The following EMC2 variants were observed in gnomAD, a reference collection of about 807,000 sequenced individuals.
EMC2 encodes ER membrane protein complex subunit 2.
Under a neutral mutation model 51.6 loss-of-function variants are expected in EMC2, and 37 were observed. The observed-to-expected ratio is 0.72, with a 90% CI of 0.55 to 0.94. The LOEUF is 0.94. Ranked by LOEUF, EMC2 falls within the 40% of genes least tolerant of loss-of-function variation. The probability of loss-of-function intolerance (pLI) is 0.00; values close to 1 mark genes in which losing one functional copy is unlikely to be tolerated. For synonymous variants in EMC2, 131 were observed against 112.4 expected, an observed-to-expected ratio of 1.17 and a Z score of -1.04; for missense variants, 359 against 350.9, an observed-to-expected ratio of 1.02 and a Z score of -0.18.
chr8:108,451,377 A>T (rs947371277), intron 3 of EMC2, among the ~76,000 whole-genome samples: 17 of 151,826 alleles, frequency 1.1e-4, no homozygotes, highest in African/African-American at 4.1e-4. Context: ...TTATTATTAT[A>T]TTTATTTTAT....
chr8:108,460,597 A>G (rs1205137311), intron 5 of EMC2, among the ~76,000 whole-genome samples: 3 of 152,204 alleles, frequency 2.0e-5, no homozygotes, highest in East Asian at 1.9e-4. Flanking sequence ...TAAAATTGTT[A>G]CCTTCAGGAT....
intron 1 of EMC2, among the ~76,000 whole-genome samples, chr8:108,446,847 AGT>A (rs1299148350): frequency 7.2e-5 from 11 of 152,302 alleles, no homozygotes; most frequent in Admixed American, 3.3e-4. Context: ...AGCACTCAAG[AGT>A]GTGGCAGGGT....
At chr8:108,460,727 G>C (rs1819299199) in intron 5 of EMC2, among the ~76,000 whole-genome samples, 1 of 152,152 alleles carries the variant, frequency 6.6e-6, no homozygotes, top group Admixed American at 6.5e-5. Flanking sequence ...GAGATGTGAA[G>C]CACTTCTAGT....
chr8:108,457,798 A>G (rs1264782321), intron 5 of EMC2, among the ~76,000 whole-genome samples: 1 of 152,028 alleles, frequency 6.6e-6, no homozygotes, highest in Non-Finnish European at 1.5e-5. Flanking sequence ...CCCCTCCCAA[A>G]TCTCATGTCC....
intron 9 of EMC2, 69 bp from the exon 10 acceptor site, chr8:108,478,937 C>T: frequency 5.7e-6 from 4 of 699,576 alleles, no homozygotes; most frequent in East Asian, 6.0e-5. Context: ...CAACCATGTC[C>T]CTTATGTTTT....
At chr8:108,457,494 C>T (rs1819199106) in intron 5 of EMC2, among the ~76,000 whole-genome samples, 1 of 152,058 alleles carries the variant, frequency 6.6e-6, no homozygotes, top group South Asian at 2.1e-4. Flanking sequence ...TACAGTTTCT[C>T]ATGGCTGGGG....
At position 108,450,455 on chromosome 8, in the gene EMC2, T is replaced by C. The variant is rs183278295; in HGVS notation, c.182T>C (p.Ile61Thr). 6.2e-6 allele frequency: 10 copies of C among 1,604,122 alleles called. No individual in the cohort carries two copies. The highest frequency in any genetic ancestry group is 4.0e-5 in the African/African-American group (3 of 74,798). Residue 61 changes from isoleucine (I) to threonine (T), a missense_variant, in exon 3 of 11, where the codon ATT (isoleucine) becomes ACT (threonine). Physicochemically the swap from Ile to Thr is moderately conservative, Grantham distance 89. Coordinates refer to ENST00000220853, the MANE Select transcript of EMC2 (RefSeq NM_014673.5). ...TGGATCATATATGAACAGGTGATGA[T>C]TGCAGCACTAGACTATGGTCGGGAT... Reference protein sequence around the residue: ...DIWIIYEQVMIAALDYGRDDL... With the variant: ...DIWIIYEQVMTAALDYGRDDL...
At chr8:108,451,073 C>T (rs764283378) in intron 3 of EMC2, among the ~76,000 whole-genome samples, 3 of 151,996 alleles carry the variant, frequency 2.0e-5, no homozygotes, top group South Asian at 2.1e-4. Context: ...CGTGGTGGAG[C>T]GTGCCTCTAG....
In EMC2 at chr8:108,486,565, C is replaced by T. The variant is rs1811143898; in HGVS notation, c.861C>T (p.Asp287=). ...ETKYSLKAVE[D]MLETLQITQS is the part of the protein sequence containing the mutation. ...AATATTCTCTTAAGGCTGTCGAAGA[C>T]ATGTTGGAAACATTGCAGATCACCC... The change falls in exon 11 of 11, where the codon GAC becomes GAT. Residue 287 remains aspartate (D), a synonymous_variant. Transcript: ENST00000220853. 1 of 1,587,002 alleles carries T rather than the reference C, an allele frequency of 6.3e-7. No individual in the cohort carries two copies. The highest frequency in any genetic ancestry group is 1.1e-5 in the South Asian group (1 of 88,522).
chr8:108,476,713 A>AT (rs1373156597), intron 8 of EMC2, 69 bp from the exon 9 acceptor site: 6 of 737,152 alleles, frequency 8.1e-6, no homozygotes, highest in Non-Finnish European at 1.5e-5. Flanking sequence ...TGCCTATGGT[A>AT]TGATGAAACC....
At chr8:108,448,663 C>CT (rs941690082) in intron 1 of EMC2, among the ~76,000 whole-genome samples, 2 of 152,196 alleles carry the variant, frequency 1.3e-5, no homozygotes, top group South Asian at 4.1e-4. Flanking sequence ...AGTTAAACCT[C>CT]TTTCTTTTGT....
chr8:108,467,867 C>T (rs911349173), intron 5 of EMC2, among the ~76,000 whole-genome samples: 4 of 152,034 alleles, frequency 2.6e-5, no homozygotes, highest in Non-Finnish European at 5.9e-5. Flanking sequence ...AGGTTTAACA[C>T]GTAAACATTA....
At position 108,479,009 on chromosome 8, in the gene EMC2, G is replaced by A. The variant is rs779161366; in HGVS notation, c.706G>A (p.Ala236Thr). 3.2e-6 allele frequency: 5 copies of A among 1,543,986 alleles called. No individual in the cohort carries two copies. The highest frequency in any genetic ancestry group is 2.6e-5 in the South Asian group (2 of 77,970). Reference protein sequence around the residue: ...MRALFGLYMSASHIASNPKAS... With the variant: ...MRALFGLYMSTSHIASNPKAS... Reference sequence around the variant, plus strand: ...TGATGTTTTTATTTGTTTTTAGTCGGCAAGTCATATTGCTTCTAATCCAAA... The same window carrying A: ...TGATGTTTTTATTTGTTTTTAGTCGACAAGTCATATTGCTTCTAATCCAAA... The change falls in exon 10 of 11, where the codon GCA (alanine) becomes ACA (threonine). Residue 236 changes from alanine to threonine, a missense_variant. Physicochemically the swap from Ala to Thr is moderately conservative, Grantham distance 58. Transcript: ENST00000220853.
At chr8:108,472,966 A>G (rs2130394738) in intron 7 of EMC2, among the ~76,000 whole-genome samples, 1 of 151,970 alleles carries the variant, frequency 6.6e-6, no homozygotes, top group South Asian at 2.1e-4. Flanking sequence ...TTCCCACCTC[A>G]GCCTTTTGTG....
chr8:108,472,786 A>G (rs1586189792), intron 7 of EMC2, among the ~76,000 whole-genome samples: 1 of 152,186 alleles, frequency 6.6e-6, no homozygotes, highest in South Asian at 2.1e-4. Context: ...AATGTCAGAT[A>G]TATTTAACAT....
chr8:108,458,537 G>A (rs1186766058), intron 5 of EMC2, among the ~76,000 whole-genome samples: 5 of 152,156 alleles, frequency 3.3e-5, no homozygotes, highest in South Asian at 2.1e-4. Context: ...TCAACACCAC[G>A]TGGAAGCTGC....
chr8:108,477,249 T>A (rs565668193), intron 9 of EMC2, among the ~76,000 whole-genome samples: 18 of 152,126 alleles, frequency 1.2e-4, no homozygotes, highest in African/African-American at 4.3e-4. Flanking sequence ...ATGAGGTATT[T>A]TTAAACAGTG....
chr8:108,476,974 C>T (rs977104257), intron 9 of EMC2, 82 bp downstream of exon 9: 1 of 663,378 alleles, frequency 1.5e-6, no homozygotes. Context: ...AATCACTCCT[C>T]TCCTGTTTTT....
chr8:108,449,295 A>C, intron 1 of EMC2, among the ~76,000 whole-genome samples: 1 of 141,632 alleles, frequency 7.1e-6, no homozygotes, highest in African/African-American at 2.7e-5. Flanking sequence ...TTTTTTTGAG[A>C]CAAAGTCTTG....
Sources: allele counts gnomAD v4.1 joint callset (sites outside exome capture counted in the v4.1 genomes callset), GRCh38; gene constraint gnomAD v4.1.1; transcripts MANE v1.5; gene names NCBI Gene and HGNC (gene_info 2026-07-23, HGNC 2026-07-21).